Variants in SIPA1L1 observed in about 807,000 individuals in gnomAD.
The protein encoded by SIPA1L1 is signal induced proliferation associated 1 like 1.
SIPA1L1 carries 26 observed loss-of-function variants against 162.7 expected under a neutral mutation model. The observed-to-expected ratio is 0.16, with a 90% confidence interval of 0.12 to 0.22. The LOEUF (loss-of-function observed/expected upper bound fraction) is 0.22, where lower values mean the gene tolerates loss of function less well. SIPA1L1 is among the 10% of genes least tolerant of loss of function. The probability of loss-of-function intolerance (pLI) is 1.00; values close to 1 mark genes in which losing one functional copy is unlikely to be tolerated. For missense variants in SIPA1L1, 1,874 were observed against 2,241.0 expected, an observed-to-expected ratio of 0.84 and a Z score of 3.31; for synonymous variants, 829 against 837.4, an observed-to-expected ratio of 0.99 and a Z score of 0.17.
chr14:71,393,402 T>G (rs1379458665), intron 2 of SIPA1L1, among the ~76,000 whole-genome samples: 1 of 152,196 alleles, frequency 6.6e-6, no homozygotes, highest in Non-Finnish European at 1.5e-5. Context: ...GTGTACACTA[T>G]GGACAACTAA....
chr14:71,543,775 C>A (rs1392782285), intron 4 of SIPA1L1, among the ~76,000 whole-genome samples: 1 of 142,584 alleles, frequency 7.0e-6, no homozygotes, highest in East Asian at 2.1e-4. Context: ...CTTTTAATTG[C>A]TGATTTGTAA....
At chr14:71,634,056 CAAA>C (rs554210948) in intron 7 of SIPA1L1, among the ~76,000 whole-genome samples, 1 of 121,302 alleles carries the variant, frequency 8.2e-6, no homozygotes, top group Non-Finnish European at 1.8e-5. Flanking sequence ...ACACTAAATA[CAAA>C]AAAAAAAAAA....
At chr14:71,403,877 G>C (rs967733855) in intron 2 of SIPA1L1, among the ~76,000 whole-genome samples, 1 of 151,972 alleles carries the variant, frequency 6.6e-6, no homozygotes, top group African/African-American at 2.4e-5. Flanking sequence ...TATGATCACT[G>C]TATTTCCTCC....
intron 20 of SIPA1L1, among the ~76,000 whole-genome samples, chr14:71,731,082 C>A (rs568595942): frequency 6.6e-6 from 1 of 152,290 alleles, no homozygotes; most frequent in Admixed American, 6.5e-5. Flanking sequence ...CCCTTCTGTC[C>A]TTTTTCCTTT....
intron 5 of SIPA1L1, among the ~76,000 whole-genome samples, chr14:71,604,689 C>CT (rs967048827): frequency 1.3e-5 from 2 of 151,300 alleles, no homozygotes; most frequent in Admixed American, 1.3e-4. Flanking sequence ...TATTTTTTTT[C>CT]TTTTTTTTCC....
At chr14:71,411,764 C>T (rs368218718) in intron 2 of SIPA1L1, among the ~76,000 whole-genome samples, 12 of 152,208 alleles carry the variant, frequency 7.9e-5, no homozygotes, top group African/African-American at 2.2e-4. Flanking sequence ...GCCCCTGGCC[C>T]GCTTGCTGCT....
At chr14:71,677,357 T>C (rs1566629695) in intron 12 of SIPA1L1, among the ~76,000 whole-genome samples, 1 of 152,242 alleles carries the variant, frequency 6.6e-6, no homozygotes, top group Non-Finnish European at 1.5e-5. Flanking sequence ...AAGTTCTTTG[T>C]AGATTCTGGA....
intron 7 of SIPA1L1, among the ~76,000 whole-genome samples, chr14:71,630,143 C>T (rs779878175): frequency 6.6e-5 from 10 of 152,176 alleles, no homozygotes; most frequent in Admixed American, 1.3e-4. Flanking sequence ...ATGATATTAG[C>T]TAATGCATGT....
chr14:71,517,699 CTTTT>C (rs2051882868), intron 3 of SIPA1L1, among the ~76,000 whole-genome samples: 1 of 152,078 alleles, frequency 6.6e-6, no homozygotes, highest in Non-Finnish European at 1.5e-5. Flanking sequence ...CATTGTTTGA[CTTTT>C]TAAATTTAGT....
chr14:71,632,310 C>T (rs1342511149), intron 7 of SIPA1L1, among the ~76,000 whole-genome samples: 1 of 152,160 alleles, frequency 6.6e-6, no homozygotes, highest in African/African-American at 2.4e-5. Context: ...CTGAAGAAGT[C>T]AGCAAACTGG....
At chr14:71,433,923 G>A (rs1192943803) in intron 2 of SIPA1L1, among the ~76,000 whole-genome samples, 1 of 152,116 alleles carries the variant, frequency 6.6e-6, no homozygotes, top group Non-Finnish European at 1.5e-5. Context: ...AAAATGTCTA[G>A]AAAGTTGGAA....
intron 17 of SIPA1L1, among the ~76,000 whole-genome samples, chr14:71,711,311 C>T (rs907835192): frequency 6.6e-6 from 1 of 152,188 alleles, no homozygotes; most frequent in African/African-American, 2.4e-5. Context: ...ACCATATAGA[C>T]AGAATCACAC....
chr14:71,381,790 C>T (rs2039925774), intron 2 of SIPA1L1, among the ~76,000 whole-genome samples: 1 of 152,108 alleles, frequency 6.6e-6, no homozygotes, highest in African/African-American at 2.4e-5. Flanking sequence ...GTTGTTAATT[C>T]TTGGTGCCCT....
intron 2 of SIPA1L1, among the ~76,000 whole-genome samples, chr14:71,422,662 T>G (rs1173467998): frequency 6.6e-6 from 1 of 152,260 alleles, no homozygotes; most frequent in African/African-American, 2.4e-5. Context: ...AAGAATTTCC[T>G]TCTTTATAAA....
intron 2 of SIPA1L1, among the ~76,000 whole-genome samples, chr14:71,464,718 A>G (rs1285391918): frequency 6.6e-6 from 1 of 152,154 alleles, no homozygotes; most frequent in African/African-American, 2.4e-5. Flanking sequence ...ATTCGGCTTG[A>G]TCCAACTCTA....
rs71105772 is a variant in SIPA1L1, at chr14:71,356,567, C to CAAAAAAAAAAAAAAAAAAAAAAAAA, written c.-465+35406_-465+35407insAAAAAAAAAAAAAAAAAAAAAAAAA. 7.4e-4 allele frequency among the ~76,000 whole-genome samples: 29 copies of CAAAAAAAAAAAAAAAAAAAAAAAAA among 39,152 alleles called. 12 individuals are homozygous for CAAAAAAAAAAAAAAAAAAAAAAAAA. Among genetic ancestry groups the CAAAAAAAAAAAAAAAAAAAAAAAAA allele is most frequent in the South Asian group, 2.5e-3 (2 of 786 alleles). 25.7% of individuals were successfully genotyped at this position (39,152 alleles called of 152,430 possible). On this transcript the variant is annotated intron_variant, in intron 2 of 23. Coordinates refer to ENST00000381232, the MANE Select transcript of SIPA1L1 (RefSeq NM_001386936.1). ...GCAACATAGCAAGACCTTGTCTCTA[C>CAAAAAAAAAAAAAAAAAAAAAAAAA]AAAAAAAAAAAAAAAAAAAAGCACA...
intron 1 of SIPA1L1, 53 bp from the exon 2 acceptor site, chr14:71,321,069 A>C (rs2032780579): frequency 6.6e-6 from 1 of 151,442 alleles, no homozygotes; most frequent in East Asian, 2.0e-4. Flanking sequence ...TCCGCAGAGG[A>C]GGCGGCGAGT....
chr14:71,414,982 T>A (rs1344640585), intron 2 of SIPA1L1, among the ~76,000 whole-genome samples: 1 of 152,210 alleles, frequency 6.6e-6, no homozygotes, highest in Non-Finnish European at 1.5e-5. Context: ...ATATGTTAAA[T>A]TCTGGGGTTG....
At chr14:71,542,774 A>G (rs1426113379) in intron 4 of SIPA1L1, among the ~76,000 whole-genome samples, 2 of 127,752 alleles carry the variant, frequency 1.6e-5, no homozygotes, top group East Asian at 2.2e-4. Flanking sequence ...TACGAGATAC[A>G]GTCTTGCTAT....
Sources: gnomAD v4.1 joint callset for allele counts (sites outside exome capture counted in the v4.1 genomes callset) on GRCh38, gnomAD v4.1.1 for gene constraint, MANE v1.5 for transcripts, NCBI Gene and HGNC (gene_info 2026-07-23, HGNC 2026-07-21) for gene names.